The following TMIGD3 variants were observed in gnomAD, a reference collection of about 807,000 sequenced individuals.
The protein encoded by TMIGD3 is transmembrane and immunoglobulin domain containing 3, also known as AD026 protein (AD026).
In TMIGD3, 21 loss-of-function variants were observed where a neutral mutation model predicts 28.1. The observed-to-expected ratio is 0.75, with a 90% CI of 0.53 to 1.08. The LOEUF (loss-of-function observed/expected upper bound fraction) is 1.08. Among genes scored for constraint, TMIGD3 ranks in the 50% least tolerant of loss-of-function variants. The pLI is 0.00. For synonymous variants in TMIGD3, 151 were observed against 162.1 expected (o/e 0.93, Z 0.52); for missense variants, 416 against 435.6 (o/e 0.96, Z 0.40).
At chr1:111,527,112 G>T (rs770934825) in intron 1 of TMIGD3, among the ~76,000 whole-genome samples, 1 of 138,824 alleles carries the variant, frequency 7.2e-6, no homozygotes, top group Non-Finnish European at 1.5e-5. Context: ...CTGGGTTTAA[G>T]TGATTCTCTT....
At chr1:111,498,258 T>C (rs943986797) in intron 1 of TMIGD3, among the ~76,000 whole-genome samples, 2 of 152,230 alleles carry the variant, frequency 1.3e-5, no homozygotes, top group African/African-American at 4.8e-5. Flanking sequence ...TGTTGTTTAA[T>C]TGAAATCTCC....
At chr1:111,529,436 C>T (rs909477168) in intron 1 of TMIGD3, among the ~76,000 whole-genome samples, 5 of 149,938 alleles carry the variant, frequency 3.3e-5, no homozygotes, top group South Asian at 2.1e-4. Flanking sequence ...GGCAGGGTCA[C>T]AGGACAATAG....
At chr1:111,548,843 G>C (rs921595468) in intron 1 of TMIGD3, among the ~76,000 whole-genome samples, 1 of 152,154 alleles carries the variant, frequency 6.6e-6, no homozygotes, top group Admixed American at 6.5e-5. Flanking sequence ...TGTGATGTTT[G>C]TTCTTGCTTC....
At position 111,498,321 on chromosome 1, in the gene TMIGD3, G is replaced by C. The variant is rs558196114; in HGVS notation, c.350+4684C>G. On this transcript the variant is annotated intron_variant, in intron 1 of 5. Transcript: ENST00000369716. ...ATTTTCTTGAAAGTGAGAGTTCACA[G>C]CAGCAAATTTGGATAGATCAAACCA... is the stretch of plus-strand genomic sequence containing the variant. 7.2e-5 allele frequency among the ~76,000 whole-genome samples: 11 copies of C among 152,334 alleles called. 1 individual carries two copies. Among genetic ancestry groups the C allele is most frequent in the African/African-American group, 2.6e-4 (11 of 41,576 alleles).
chr1:111,536,414 C>G (rs1407514710), intron 1 of TMIGD3, among the ~76,000 whole-genome samples: 1 of 152,124 alleles, frequency 6.6e-6, no homozygotes, highest in African/African-American at 2.4e-5. Flanking sequence ...GATGAGCCAT[C>G]TTAGGACACA....
In TMIGD3 at chr1:111,537,967, A is replaced by AT. The variant is rs554263572; in HGVS notation, c.107+25878dup. On this transcript the variant is annotated intron_variant, in intron 1 of 5. Transcript: ENST00000369717. Reference sequence around the variant, plus strand: ...TAACTACTAAAATGGCCCTCATGCTATTTTTTTAAAATACTTTCCTTAAAT... The same window carrying AT: ...TAACTACTAAAATGGCCCTCATGCTATTTTTTTTAAAATACTTTCCTTAAAT... Among the ~76,000 whole-genome samples the AT allele has an allele frequency of 2.2e-3, 333 of 152,184 alleles. 3 individuals are homozygous for AT. The highest frequency in any genetic ancestry group is 3.9e-3 in the Admixed American group (60 of 15,276).
At chr1:111,505,527 G>A (rs1655456507), upstream of TMIGD3, among the ~76,000 whole-genome samples, 1 of 152,202 alleles carries the variant, frequency 6.6e-6, no homozygotes, top group Non-Finnish European at 1.5e-5. Context: ...GGGGTGATTT[G>A]AGAACAGAGG....
intron 1 of TMIGD3, chr1:111,499,636 A>G (rs567924048): frequency 2.3e-5 from 26 of 1,136,850 alleles, no homozygotes; most frequent in East Asian, 1.7e-4. Context: ...CAGTAAGTCA[A>G]CTAGGCACCC....
chr1:111,553,010 T>C (rs1324849627), intron 1 of TMIGD3, among the ~76,000 whole-genome samples: 1 of 152,200 alleles, frequency 6.6e-6, no homozygotes, highest in Non-Finnish European at 1.5e-5. Context: ...AGGTAAGAGC[T>C]CCACTTTTGT....
intron 5 of TMIGD3, among the ~76,000 whole-genome samples, chr1:111,484,797 C>G (rs754633829): frequency 1.2e-4 from 18 of 152,196 alleles, no homozygotes; most frequent in Non-Finnish European, 2.6e-4. Context: ...AGGTTGCAGT[C>G]TGTTTTTAAT....
intron 1 of TMIGD3, 103 bp downstream of exon 1, chr1:111,502,902 G>T: frequency 1.4e-6 from 2 of 1,425,272 alleles, no homozygotes; most frequent in Non-Finnish European, 1.9e-6. Context: ...TCAACATCAA[G>T]GGCCAATTTG....
intron 1 of TMIGD3, among the ~76,000 whole-genome samples, chr1:111,549,564 C>T (rs539742289): frequency 1.2e-4 from 18 of 151,024 alleles, no homozygotes; most frequent in Non-Finnish European, 2.2e-4. Flanking sequence ...ACAGGAGAAT[C>T]GCTTGAACTG....
chr1:111,530,313 T>C (rs1315633757), intron 1 of TMIGD3, among the ~76,000 whole-genome samples: 1 of 152,202 alleles, frequency 6.6e-6, no homozygotes, highest in Non-Finnish European at 1.5e-5. Context: ...CCTTCCAATA[T>C]AATGTTATTG....
chr1:111,516,700 G>C (rs1655879806), intron 1 of TMIGD3, among the ~76,000 whole-genome samples: 1 of 152,182 alleles, frequency 6.6e-6, no homozygotes, highest in Admixed American at 6.5e-5. Context: ...GTCTGAAGAA[G>C]ACCTCAGCTT....
intron 1 of TMIGD3, among the ~76,000 whole-genome samples, chr1:111,551,519 A>G (rs950019172): frequency 6.6e-6 from 1 of 152,168 alleles, no homozygotes; most frequent in African/African-American, 2.4e-5. Context: ...TTGTTCCTAT[A>G]TAGTTCAGTT....
At chr1:111,558,462 C>T (rs541086135) in intron 1 of TMIGD3, among the ~76,000 whole-genome samples, 9 of 152,188 alleles carry the variant, frequency 5.9e-5, no homozygotes, top group African/African-American at 2.2e-4. Flanking sequence ...GCTGGGACTA[C>T]AGGCATAAGC....
At chr1:111,485,703 T>C (rs1465721593) in intron 5 of TMIGD3, 37 bp downstream of exon 5, 1 of 1,405,704 alleles carries the variant, frequency 7.1e-7, no homozygotes, top group Non-Finnish European at 9.9e-7. Context: ...TTTTCTCTAA[T>C]TCTTGCCCAC....
In TMIGD3 at chr1:111,483,598, C is replaced by T; in HGVS notation, c.*89G>A. ...GGGTCCTTCAGAATTCCTGGGAGATCAGAATCAGTCTCTGAGGTGTGGGCC... is the reference window on the plus strand; with the variant it reads ...GGGTCCTTCAGAATTCCTGGGAGATTAGAATCAGTCTCTGAGGTGTGGGCC... On this transcript the variant is annotated 3_prime_UTR_variant, in exon 6 of 6. Transcript: ENST00000369716. 9.1e-7 allele frequency: 1 copy of T among 1,095,192 alleles called. No individual in the cohort carries two copies. The highest frequency in any genetic ancestry group is 2.5e-5 in the East Asian group (1 of 39,338). The allele number at this position is 1,095,192 out of a possible 1,614,324, so 67.8% of individuals were successfully genotyped here.
intron 1 of TMIGD3, among the ~76,000 whole-genome samples, chr1:111,521,653 G>A (rs1052197611): frequency 1.0e-3 from 154 of 152,186 alleles, no homozygotes; most frequent in African/African-American, 3.4e-3. Context: ...AGAATTCTTT[G>A]TATATTTTAG....
Sources: allele counts gnomAD v4.1 joint callset (sites outside exome capture counted in the v4.1 genomes callset), GRCh38; gene constraint gnomAD v4.1.1; transcripts MANE v1.5; gene names NCBI Gene and HGNC (gene_info 2026-07-23, HGNC 2026-07-21).